The following GNAL variants were observed in gnomAD, a reference collection of about 807,000 sequenced individuals.
The protein encoded by GNAL is G protein subunit alpha L, also known as guanine nucleotide-binding protein G(olf) subunit alpha.
A neutral mutation model predicts 55.1 loss-of-function variants in GNAL; 18 were observed. That is an observed-to-expected ratio of 0.33 (90% CI 0.23 to 0.48). The LOEUF is 0.48. Ranked by LOEUF, GNAL falls within the 20% of genes least tolerant of loss-of-function variation. The pLI is 0.99. For missense variants in GNAL, 412 were observed against 614.1 expected, an observed-to-expected ratio of 0.67 and a Z score of 3.48; for synonymous variants, 253 against 237.0, an observed-to-expected ratio of 1.07 and a Z score of -0.62.
chr18:11,842,579 C>T (rs1265080904), intron 5 of GNAL, among the ~76,000 whole-genome samples: 1 of 151,818 alleles, frequency 6.6e-6, no homozygotes, highest in Non-Finnish European at 1.5e-5. Flanking sequence ...ATCAGGCATT[C>T]GATTCTCATA....
intron 1 of GNAL, among the ~76,000 whole-genome samples, chr18:11,701,865 A>AT (rs1311758781): frequency 1.3e-5 from 2 of 152,186 alleles, no homozygotes; most frequent in African/African-American, 4.8e-5. Context: ...CCACAAGTCA[A>AT]TATTAGGAGC....
intron 1 of GNAL, among the ~76,000 whole-genome samples, chr18:11,692,308 T>C (rs1227755033): frequency 6.6e-6 from 1 of 152,244 alleles, no homozygotes; most frequent in Non-Finnish European, 1.5e-5. Flanking sequence ...CTAGCTGTTG[T>C]ATCCTGTTGA....
chr18:11,859,769 G>A (rs1272846482), intron 5 of GNAL, among the ~76,000 whole-genome samples: 8 of 150,390 alleles, frequency 5.3e-5, no homozygotes, highest in South Asian at 2.1e-4. Flanking sequence ...TTTTTGAGAC[G>A]GAGTCTCACT....
chr18:11,724,242 G>C (rs112753563), intron 1 of GNAL, among the ~76,000 whole-genome samples: 1 of 152,142 alleles, frequency 6.6e-6, no homozygotes, highest in Admixed American at 6.5e-5. Flanking sequence ...AGCCTCTGGG[G>C]GGGACCTCAG....
At chr18:11,862,948 T>C (rs1461945948) in intron 6 of GNAL, among the ~76,000 whole-genome samples, 2 of 151,436 alleles carry the variant, frequency 1.3e-5, no homozygotes, top group East Asian at 3.9e-4. Context: ...TTGCAATCTC[T>C]GCTCACTGCA....
At chr18:11,865,375 T>C (rs1327314341) in intron 7 of GNAL, among the ~76,000 whole-genome samples, 4 of 149,458 alleles carry the variant, frequency 2.7e-5, no homozygotes, top group Admixed American at 2.6e-4. Flanking sequence ...CTCCCAGCTT[T>C]TCCTGCCGTA....
At chr18:11,846,476 C>T (rs1034857978) in intron 5 of GNAL, among the ~76,000 whole-genome samples, 4 of 148,602 alleles carry the variant, frequency 2.7e-5, no homozygotes, top group Admixed American at 6.8e-5. Context: ...CACACACACA[C>T]ACACACACAC....
intron 4 of GNAL, among the ~76,000 whole-genome samples, chr18:11,766,141 G>T (rs1223277912): frequency 1.3e-5 from 2 of 152,208 alleles, no homozygotes; most frequent in African/African-American, 4.8e-5. Flanking sequence ...TGTGAGAAAA[G>T]CACACTAGGT....
chr18:11,881,249 C>A lies in GNAL; in HGVS notation c.*114C>A. 2 of 1,065,462 alleles carry A rather than the reference C, an allele frequency of 1.9e-6. No homozygotes were observed. The highest frequency in any genetic ancestry group is 2.7e-6 in the Non-Finnish European group (2 of 753,440). The allele number at this position is 1,065,462 out of a possible 1,614,324, so 66.0% of individuals were successfully genotyped here. A position where few individuals can be genotyped will look rare whatever the true frequency, so the allele number is the denominator to read the frequency against. ...CCATCTCGCTGCCGTCTGTCCCGTTCTGTGTCGACCACCAAGCCTCTGGCT... is the reference window on the plus strand; with the variant it reads ...CCATCTCGCTGCCGTCTGTCCCGTTATGTGTCGACCACCAAGCCTCTGGCT... On this transcript the variant is annotated 3_prime_UTR_variant, in exon 12 of 12. Transcript: ENST00000334049. The surrounding 1 kb of genome is among the most constrained non-coding windows in gnomAD (Gnocchi z 4.8).
At chr18:11,692,173 A>G (rs2031270320) in intron 1 of GNAL, among the ~76,000 whole-genome samples, 1 of 152,208 alleles carries the variant, frequency 6.6e-6, no homozygotes, top group South Asian at 2.1e-4. Context: ...GAGCTATTCC[A>G]TGACTTTAGC....
intron 4 of GNAL, among the ~76,000 whole-genome samples, chr18:11,774,605 A>T (rs765334675): frequency 7.2e-5 from 11 of 152,142 alleles, no homozygotes; most frequent in Non-Finnish European, 1.3e-4. Flanking sequence ...CTCATTTCAT[A>T]TGTGAGAAAA....
chr18:11,832,826 C>T (rs996259221), intron 5 of GNAL, among the ~76,000 whole-genome samples: 1 of 151,824 alleles, frequency 6.6e-6, no homozygotes, highest in African/African-American at 2.4e-5. Flanking sequence ...CGCCATTGCA[C>T]TCCAGTCTGG....
chr18:11,860,588 C>T (rs1276436314), intron 5 of GNAL, among the ~76,000 whole-genome samples: 1 of 151,976 alleles, frequency 6.6e-6, no homozygotes, highest in Non-Finnish European at 1.5e-5. Flanking sequence ...AAAATGAAGA[C>T]CCAAAGAAGC....
intron 4 of GNAL, among the ~76,000 whole-genome samples, chr18:11,776,132 C>T (rs917162866): frequency 6.6e-6 from 1 of 152,152 alleles, no homozygotes; most frequent in Non-Finnish European, 1.5e-5. Flanking sequence ...TATGACCTTG[C>T]GAGTTTCCAG....
chr18:11,788,914 A>AAAAAAAAAAAAATAT (rs60071996), intron 4 of GNAL, among the ~76,000 whole-genome samples: 10 of 56,302 alleles, frequency 1.8e-4, no homozygotes, highest in East Asian at 7.1e-4. Context: ...AAAAAAAAAA[A>AAAAAAAAAAAAATAT]ATATATATAT....
intron 5 of GNAL, among the ~76,000 whole-genome samples, chr18:11,844,609 G>T (rs879645084): frequency 6.6e-6 from 1 of 152,048 alleles, no homozygotes; most frequent in African/African-American, 2.4e-5. Flanking sequence ...TTAAGGGTAC[G>T]AGTGAGTCAG....
At chr18:11,772,677 C>T (rs1363848022) in intron 4 of GNAL, among the ~76,000 whole-genome samples, 1 of 152,198 alleles carries the variant, frequency 6.6e-6, no homozygotes, top group Non-Finnish European at 1.5e-5. Context: ...GACCTGGAGG[C>T]AAAGCCAGGA....
At chr18:11,714,786 A>G (rs2031915067) in intron 1 of GNAL, among the ~76,000 whole-genome samples, 1 of 152,214 alleles carries the variant, frequency 6.6e-6, no homozygotes, top group African/African-American at 2.4e-5. Flanking sequence ...TGTATGATTC[A>G]GTTCCCAAGT....
Position 11,751,025 on chromosome 18 carries a change from A to C in GNAL, c.377-1828A>C, listed in dbSNP as rs543684480. The stretch of plus-strand genomic sequence containing the variant: ...GGGCTGGGGTCTGTTCTCCTGAAGA[A>C]GGCCAGCTCCGCAGTGAAGAAGACC... On this transcript the variant is annotated intron_variant, in intron 1 of 11. Transcript: ENST00000334049. The surrounding 1 kb of genome is among the most constrained non-coding windows in gnomAD (Gnocchi z 4.5). Among the ~76,000 whole-genome samples the C allele has an allele frequency of 3.1e-4, 47 of 152,214 alleles. No individual in the cohort carries two copies. In the South Asian group the frequency reaches 9.8e-3, roughly 32 times the overall value.
Sources: allele counts gnomAD v4.1 joint callset (sites outside exome capture counted in the v4.1 genomes callset), GRCh38; gene constraint gnomAD v4.1.1; non-coding constraint Gnocchi (gnomAD v3.1); transcripts MANE v1.5; gene names NCBI Gene and HGNC (gene_info 2026-07-23, HGNC 2026-07-21).